Variants in CSGALNACT1 observed in about 807,000 individuals in gnomAD.
The protein encoded by CSGALNACT1 is chondroitin sulfate N-acetylgalactosaminyltransferase 1, also known as beta4GalNAcT-1.
A neutral mutation model predicts 51.0 loss-of-function variants in CSGALNACT1; 52 were observed. The ratio of observed to expected loss-of-function variants is 1.02; its 90% CI spans 0.82 to 1.29. The LOEUF is 1.29. CSGALNACT1 is among the 50% of genes most tolerant of loss of function. The pLI is 0.00. For missense variants in CSGALNACT1, 935 were observed against 679.2 expected (o/e 1.38, Z -4.19); for synonymous variants, 341 against 254.4 (o/e 1.34, Z -3.24).
chr8:19,520,702 A>G (rs17408078), intron 3 of CSGALNACT1, among the ~76,000 whole-genome samples: 1 of 152,164 alleles, frequency 6.6e-6, no homozygotes, highest in African/African-American at 2.4e-5. Context: ...CATCAGTCTT[A>G]AAACTTTCCA....
upstream of CSGALNACT1, among the ~76,000 whole-genome samples, chr8:19,686,366 T>A (rs2060977415): frequency 6.6e-6 from 1 of 152,144 alleles, no homozygotes; most frequent in African/African-American, 2.4e-5. Flanking sequence ...GAGACAGCAT[T>A]CAGGGGGCTC....
intron 4 of CSGALNACT1, among the ~76,000 whole-genome samples, chr8:19,478,009 G>A (rs910743130): frequency 2.0e-5 from 3 of 152,136 alleles, no homozygotes; most frequent in African/African-American, 7.2e-5. Flanking sequence ...AGAGGCACAA[G>A]CTTGAGAACT....
chr8:19,482,296 ATT>A (rs1318326894), intron 4 of CSGALNACT1, among the ~76,000 whole-genome samples: 1 of 152,190 alleles, frequency 6.6e-6, no homozygotes, highest in Admixed American at 6.5e-5. Flanking sequence ...ATTTTAATTA[ATT>A]TTTGTTTAAA....
At chr8:19,407,186 C>CTT (rs2054383271) in intron 9 of CSGALNACT1, among the ~76,000 whole-genome samples, 1 of 142,396 alleles carries the variant, frequency 7.0e-6, no homozygotes, top group Non-Finnish European at 1.6e-5. Flanking sequence ...TTGACTTCAA[C>CTT]ATTTTTTTTT....
intron 3 of CSGALNACT1, among the ~76,000 whole-genome samples, chr8:19,517,716 C>CA (rs1422168067): frequency 6.6e-6 from 1 of 152,102 alleles, no homozygotes; most frequent in African/African-American, 2.4e-5. Context: ...TTTCCCCTGA[C>CA]AAAAACATCA....
intron 1 of CSGALNACT1, among the ~76,000 whole-genome samples, chr8:19,648,059 T>C (rs1267794246): frequency 6.6e-6 from 1 of 152,212 alleles, no homozygotes; most frequent in South Asian, 2.1e-4. Flanking sequence ...AGCTCTTTGT[T>C]TTGTTTCAAT....
chr8:19,575,247 C>T (rs1437600179), intron 3 of CSGALNACT1, among the ~76,000 whole-genome samples: 1 of 152,282 alleles, frequency 6.6e-6, no homozygotes, highest in African/African-American at 2.4e-5. Context: ...CCAATAATTG[C>T]TACCACTAGC....
At chr8:19,643,818 C>T (rs567783507) in intron 1 of CSGALNACT1, among the ~76,000 whole-genome samples, 131 of 152,298 alleles carry the variant, frequency 8.6e-4, no homozygotes, top group African/African-American at 3.1e-3. Flanking sequence ...GTCCAGGCTT[C>T]CATCTGCTGC....
At chr8:19,556,701 T>C (rs143722020) in intron 3 of CSGALNACT1, among the ~76,000 whole-genome samples, 22 of 152,120 alleles carry the variant, frequency 1.4e-4, no homozygotes, top group African/African-American at 5.3e-4. Flanking sequence ...TTTTTTTTTC[T>C]CTCCTAGGAT....
intron 6 of CSGALNACT1, among the ~76,000 whole-genome samples, chr8:19,431,297 G>A (rs920131387): frequency 6.6e-6 from 1 of 152,052 alleles, no homozygotes; most frequent in Non-Finnish European, 1.5e-5. Flanking sequence ...GTTTTTCATA[G>A]ATGGTTTTTT....
chr8:19,442,426 T>A (rs2061463463), intron 5 of CSGALNACT1, among the ~76,000 whole-genome samples: 1 of 152,050 alleles, frequency 6.6e-6, no homozygotes, highest in African/African-American at 2.4e-5. Flanking sequence ...TGTAGGGACA[T>A]GGATGAAACT....
chr8:19,683,189 T>A (rs913414811), upstream of CSGALNACT1: 6 of 154,920 alleles, frequency 3.9e-5, no homozygotes, highest in African/African-American at 1.4e-4. Flanking sequence ...TGGTCAGGCT[T>A]TTCCACGATG....
intron 1 of CSGALNACT1, among the ~76,000 whole-genome samples, chr8:19,634,827 A>G (rs948710652): frequency 3.9e-5 from 6 of 152,126 alleles, no homozygotes; most frequent in African/African-American, 1.4e-4. Flanking sequence ...CCTATGAGAA[A>G]ATTCTCTTGC....
chr8:19,524,105 G>C (rs112182920), intron 3 of CSGALNACT1, among the ~76,000 whole-genome samples: 1,879 of 152,230 alleles, frequency 0.012, 38 homozygotes, highest in African/African-American at 0.043. Flanking sequence ...ACAAGCCTGG[G>C]CAACACAGCA....
chr8:19,502,261 C>G (rs1490315391), intron 4 of CSGALNACT1, among the ~76,000 whole-genome samples: 1 of 152,168 alleles, frequency 6.6e-6, no homozygotes, highest in Non-Finnish European at 1.5e-5. Flanking sequence ...TGGAGAAAAG[C>G]TTTGTATTTT....
Position 19,515,062 on chromosome 8 carries a change from C to T in CSGALNACT1, c.-296-8932G>A, listed in dbSNP as rs574064878. Among the ~76,000 whole-genome samples, 25 of 152,184 alleles carry T rather than the reference C, an allele frequency of 1.6e-4. No homozygotes were observed. The South Asian group carries it at 5.0e-3, about 30-fold the overall frequency. ...GCTCTTGCCACAACTGATTCCAGGT[C>T]CCCAGTGCCAGGATCATGCCTTGAT... On this transcript the variant is annotated intron_variant, in intron 3 of 9. Transcript: ENST00000454498.
chr8:19,667,063 G>GAAAGAAAGGAAAAGA (rs2059425714), intron 1 of CSGALNACT1, among the ~76,000 whole-genome samples: 1 of 121,850 alleles, frequency 8.2e-6, no homozygotes, highest in African/African-American at 3.0e-5. Flanking sequence ...AAGAAAGAAA[G>GAAAGAAAGGAAAAGA]AAAGAAAGAA....
chr8:19,676,099 A>G (rs527846558), intron 1 of CSGALNACT1, among the ~76,000 whole-genome samples: 1 of 133,732 alleles, frequency 7.5e-6, no homozygotes, highest in Admixed American at 7.2e-5. Flanking sequence ...AACAAAACAA[A>G]ACAAAAAAAA....
Position 19,435,024 on chromosome 8 carries a change from C to G in CSGALNACT1, c.953+4806G>C, listed in dbSNP as rs527368516. ...GGTCCCTGATAACGACAACAACCCTCTCCTAGCATCACATACACTCTGGCA... is the reference window on the plus strand; with the variant it reads ...GGTCCCTGATAACGACAACAACCCTGTCCTAGCATCACATACACTCTGGCA... On this transcript the variant is annotated intron_variant, in intron 6 of 9. Coordinates refer to ENST00000454498, the Ensembl canonical transcript of CSGALNACT1. Among the ~76,000 whole-genome samples, 11 of 152,208 alleles carry G rather than the reference C, an allele frequency of 7.2e-5. No homozygotes were observed. In the East Asian group the frequency reaches 1.9e-3, roughly 27 times the overall value.
Sources: gnomAD v4.1 joint callset for allele counts (sites outside exome capture counted in the v4.1 genomes callset) on GRCh38, gnomAD v4.1.1 for gene constraint, MANE v1.5 for transcripts, NCBI Gene and HGNC (gene_info 2026-07-23, HGNC 2026-07-21) for gene names.